ERBB4: variants seen among roughly 807,000 people sequenced by gnomAD.
ERBB4 encodes the protein receptor tyrosine-protein kinase erbB-4.
A neutral mutation model predicts 158.0 loss-of-function variants in ERBB4; 42 were observed. The observed-to-expected ratio is 0.27, with a 90% CI of 0.21 to 0.34. The LOEUF (loss-of-function observed/expected upper bound fraction) is 0.34. Among genes scored for constraint, ERBB4 ranks in the 10% least tolerant of loss-of-function variants. The pLI, the probability that ERBB4 is intolerant of heterozygous loss-of-function variation, is 1.00. For synonymous variants in ERBB4, 583 were observed against 558.7 expected, an observed-to-expected ratio of 1.04 and a Z score of -0.61; for missense variants, 1,333 against 1,624.1, an observed-to-expected ratio of 0.82 and a Z score of 3.08.
At chr2:211,956,074 T>C (rs2081021192) in intron 2 of ERBB4, among the ~76,000 whole-genome samples, 1 of 151,736 alleles carries the variant, frequency 6.6e-6, no homozygotes, top group Non-Finnish European at 1.5e-5. Context: ...ATTTGTTTTC[T>C]ACATATTTAT....
chr2:211,489,370 T>G (rs1199155588), intron 20 of ERBB4, among the ~76,000 whole-genome samples: 1 of 152,046 alleles, frequency 6.6e-6, no homozygotes, highest in Non-Finnish European at 1.5e-5. Context: ...TTAATAGGCA[T>G]ATGACTTTAG....
At chr2:212,303,132 C>T (rs994098155) in intron 1 of ERBB4, among the ~76,000 whole-genome samples, 1 of 151,294 alleles carries the variant, frequency 6.6e-6, no homozygotes, top group Admixed American at 6.6e-5. Context: ...GGCAGAAAAC[C>T]ACCCTGAATT....
At chr2:211,773,639 TATATATATAATATATATAC>T (rs2075791616) in intron 4 of ERBB4, among the ~76,000 whole-genome samples, 1 of 86,852 alleles carries the variant, frequency 1.2e-5, no homozygotes, top group Non-Finnish European at 2.2e-5. Context: ...TATATATATA[TATATATATAATATATATAC>T]ACACACACAC....
chr2:211,885,738 T>C (rs1486148238), intron 3 of ERBB4, among the ~76,000 whole-genome samples: 1 of 152,160 alleles, frequency 6.6e-6, no homozygotes, highest in Non-Finnish European at 1.5e-5. Flanking sequence ...AGATTACAGA[T>C]GTGAGCCACC....
At chr2:211,971,615 G>T (rs562719573) in intron 2 of ERBB4, among the ~76,000 whole-genome samples, 47 of 152,074 alleles carry the variant, frequency 3.1e-4, no homozygotes, top group African/African-American at 1.1e-3. Flanking sequence ...GAAAACTTCA[G>T]GTCAATATTT....
In ERBB4 at chr2:211,378,698, C is replaced by A. The variant is rs2062523386; in HGVS notation, c.*4917G>T. On this transcript the variant is annotated 3_prime_UTR_variant, in exon 28 of 28. Transcript: ENST00000342788. ...CTGATAATGATCTTTTAAAATTATGCCTGATCTCATCTGTATAATATTTGT... is the reference window on the plus strand; with the variant it reads ...CTGATAATGATCTTTTAAAATTATGACTGATCTCATCTGTATAATATTTGT... 4.3e-6 allele frequency: 1 copy of A among 232,152 alleles called. No individual in the cohort carries two copies. The highest frequency in any genetic ancestry group is 2.2e-5 in the African/African-American group (1 of 45,208). The allele number at this position is 232,152 out of a possible 1,614,324, so 14.4% of individuals were successfully genotyped here. A position where few individuals can be genotyped will look rare whatever the true frequency, so the allele number is the denominator to read the frequency against.
chr2:212,125,840 T>A (rs1234027346), intron 1 of ERBB4, among the ~76,000 whole-genome samples: 1 of 152,230 alleles, frequency 6.6e-6, no homozygotes, highest in Non-Finnish European at 1.5e-5. Flanking sequence ...TTAGGGTGAT[T>A]CCATGTCTTT....
intron 7 of ERBB4, among the ~76,000 whole-genome samples, chr2:211,721,550 T>C (rs1465458936): frequency 1.3e-5 from 2 of 148,430 alleles, no homozygotes; most frequent in African/African-American, 5.0e-5. Flanking sequence ...ATGTTATCAA[T>C]TTGTTTAAGA....
At chr2:211,815,602 A>G (rs76820615) in intron 3 of ERBB4, among the ~76,000 whole-genome samples, 1,909 of 152,296 alleles carry the variant, frequency 0.013, 32 homozygotes, top group Non-Finnish European at 0.017. Context: ...ACAGCACTCA[A>G]CTAAATTTTT....
chr2:212,171,219 T>C (rs2081507182), intron 1 of ERBB4, among the ~76,000 whole-genome samples: 1 of 152,124 alleles, frequency 6.6e-6, no homozygotes, highest in Non-Finnish European at 1.5e-5. Flanking sequence ...ATTTCAGACT[T>C]GCATGGGGCC....
intron 1 of ERBB4, among the ~76,000 whole-genome samples, chr2:212,431,122 C>T (rs777569446): frequency 3.3e-5 from 5 of 151,818 alleles, no homozygotes; most frequent in African/African-American, 4.8e-5. Flanking sequence ...CAGAACCTCA[C>T]GCTCCTATAT....
At chr2:212,358,608 T>A (rs1196881864) in intron 1 of ERBB4, among the ~76,000 whole-genome samples, 1 of 151,756 alleles carries the variant, frequency 6.6e-6, no homozygotes, top group African/African-American at 2.4e-5. Flanking sequence ...TTTCCATTCC[T>A]GGAAATTTTG....
intron 20 of ERBB4, among the ~76,000 whole-genome samples, chr2:211,506,871 G>A (rs915084517): frequency 6.6e-6 from 1 of 151,924 alleles, no homozygotes; most frequent in Non-Finnish European, 1.5e-5. Context: ...ACAAAAATTA[G>A]AGCAGAACTA....
intron 1 of ERBB4, among the ~76,000 whole-genome samples, chr2:212,181,161 C>A (rs2081846956): frequency 6.6e-6 from 1 of 151,616 alleles, no homozygotes; most frequent in South Asian, 2.1e-4. Context: ...AGATCACCTG[C>A]CTTTGACCAC....
intron 14 of ERBB4, among the ~76,000 whole-genome samples, chr2:211,666,858 G>T (rs2071649957): frequency 6.6e-6 from 1 of 152,090 alleles, no homozygotes; most frequent in African/African-American, 2.4e-5. Flanking sequence ...GATATAGTAA[G>T]CATACAGAGA....
At chr2:212,134,285 C>T (rs1025503490) in intron 1 of ERBB4, among the ~76,000 whole-genome samples, 4 of 151,804 alleles carry the variant, frequency 2.6e-5, no homozygotes, top group Non-Finnish European at 5.9e-5. Context: ...AATGATCATA[C>T]ATTACTCTAT....
intron 2 of ERBB4, among the ~76,000 whole-genome samples, chr2:212,087,732 T>C (rs1172488943): frequency 6.6e-6 from 1 of 152,074 alleles, no homozygotes; most frequent in Non-Finnish European, 1.5e-5. Flanking sequence ...TTTGCTGCAC[T>C]AGATACTTCT....
intron 3 of ERBB4, among the ~76,000 whole-genome samples, chr2:211,945,380 C>T (rs1381686951): frequency 1.3e-5 from 2 of 152,006 alleles, no homozygotes; most frequent in Admixed American, 1.3e-4. Context: ...ATAACAACCA[C>T]CTAATAAATA....
intron 20 of ERBB4, among the ~76,000 whole-genome samples, chr2:211,542,710 C>T (rs1574711068): frequency 6.6e-6 from 1 of 151,702 alleles, no homozygotes; most frequent in Non-Finnish European, 1.5e-5. Flanking sequence ...TTTTTTTAAT[C>T]TCCCATTATA....
Sources: allele counts gnomAD v4.1 joint callset (sites outside exome capture counted in the v4.1 genomes callset), GRCh38; gene constraint gnomAD v4.1.1; transcripts MANE v1.5; gene names NCBI Gene and HGNC (gene_info 2026-07-23, HGNC 2026-07-21).